Variants in CNTNAP2 observed in about 807,000 individuals in gnomAD.
The protein encoded by CNTNAP2 is contactin-associated protein-like 2.
A neutral mutation model predicts 155.2 loss-of-function variants in CNTNAP2; 98 were observed. The observed-to-expected ratio is 0.63, with a 90% confidence interval of 0.54 to 0.75. The LOEUF (loss-of-function observed/expected upper bound fraction) is 0.75, where lower values mean the gene tolerates loss of function less well. CNTNAP2 is among the 30% of genes least tolerant of loss of function. CNTNAP2 has a pLI of 0.00. For missense variants in CNTNAP2, 1,727 were observed against 1,688.1 expected, an observed-to-expected ratio of 1.02 and a Z score of -0.40; for synonymous variants, 651 against 631.2, an observed-to-expected ratio of 1.03 and a Z score of -0.47.
chr7:147,893,173 G>A (rs1005275301), intron 13 of CNTNAP2, among the ~76,000 whole-genome samples: 1 of 152,106 alleles, frequency 6.6e-6, no homozygotes, highest in African/African-American at 2.4e-5. Flanking sequence ...TGAAATCATA[G>A]GTAAGTTGAG....
intron 13 of CNTNAP2, among the ~76,000 whole-genome samples, chr7:147,710,182 ATTACAT>A (rs992613950): frequency 2.0e-5 from 3 of 152,176 alleles, no homozygotes; most frequent in Admixed American, 2.0e-4. Flanking sequence ...GTTCCTGTAA[ATTACAT>A]TTACAACTCT....
In CNTNAP2 at chr7:146,385,571, C is replaced by A. The variant is rs1236982830; in HGVS notation, c.97+268598C>A. Among the ~76,000 whole-genome samples, 17 of 152,228 alleles carry A rather than the reference C, an allele frequency of 1.1e-4. No homozygotes were observed. In the East Asian group the frequency reaches 2.7e-3, roughly 24 times the overall value. On this transcript the variant is annotated intron_variant, in intron 1 of 23. Transcript: ENST00000361727. ...ATAATTTAAAGTCCAGCCAAGTAAT[C>A]TCTCTTGTACTTGAATTTGGATGAG... is the stretch of plus-strand genomic sequence containing the variant.
chr7:147,349,286 A>T lies in CNTNAP2; in HGVS notation c.1499-46323A>T, dbSNP rs796523063. Among the ~76,000 whole-genome samples the T allele has an allele frequency of 2.8e-4, 42 of 152,042 alleles. 2 individuals are homozygous for T. Among genetic ancestry groups the T allele is most frequent in the African/African-American group, 9.9e-4 (41 of 41,556 alleles). ...ATTTGTCAATTAAAAGTAAAATTTT[A>T]AAAAAATCAGAAATATTAAAACAAA... is the stretch of plus-strand genomic sequence containing the variant. On this transcript the variant is annotated intron_variant, in intron 9 of 23. Transcript: ENST00000361727.
intron 13 of CNTNAP2, among the ~76,000 whole-genome samples, chr7:147,828,826 A>G (rs1169461801): frequency 6.6e-6 from 1 of 152,190 alleles, no homozygotes; most frequent in Non-Finnish European, 1.5e-5. Context: ...AAAAATAATA[A>G]TACCTTAAAA....
At chr7:147,152,985 T>G (rs1237614666) in intron 8 of CNTNAP2, among the ~76,000 whole-genome samples, 1 of 151,986 alleles carries the variant, frequency 6.6e-6, no homozygotes, top group Non-Finnish European at 1.5e-5. Flanking sequence ...AGGAGGTCAG[T>G]GTGGATCAGA....
intron 3 of CNTNAP2, among the ~76,000 whole-genome samples, chr7:146,971,807 C>T (rs551053391): frequency 6.6e-6 from 1 of 152,228 alleles, no homozygotes; most frequent in Non-Finnish European, 1.5e-5. Flanking sequence ...AATACCCCCA[C>T]CTGCTAATAC....
intron 1 of CNTNAP2, among the ~76,000 whole-genome samples, chr7:146,164,040 A>G (rs1798274065): frequency 6.6e-6 from 1 of 152,184 alleles, no homozygotes; most frequent in Non-Finnish European, 1.5e-5. Context: ...CTTCTTTGTC[A>G]TATGTTTAGG....
intron 4 of CNTNAP2, among the ~76,000 whole-genome samples, chr7:147,057,960 G>A (rs1030944485): frequency 1.3e-5 from 2 of 151,994 alleles, no homozygotes; most frequent in Non-Finnish European, 2.9e-5. Flanking sequence ...ATACTATTAT[G>A]TCACCTCATC....
chr7:147,709,962 G>T (rs967056768), intron 13 of CNTNAP2, among the ~76,000 whole-genome samples: 3 of 151,750 alleles, frequency 2.0e-5, no homozygotes, highest in Non-Finnish European at 1.5e-5. Context: ...TTTGCCTTTT[G>T]CTTGTCATAA....
intron 15 of CNTNAP2, among the ~76,000 whole-genome samples, chr7:148,085,694 C>CCCTTCCTT (rs370800555): frequency 0.013 from 1,961 of 150,984 alleles, 37 homozygotes; most frequent in African/African-American, 0.043. Flanking sequence ...TTTTCTCTTT[C>CCCTTCCTT]CCTTCCTTCC....
chr7:146,577,310 C>A (rs1488415980), intron 1 of CNTNAP2, among the ~76,000 whole-genome samples: 1 of 152,072 alleles, frequency 6.6e-6, no homozygotes, highest in Non-Finnish European at 1.5e-5. Flanking sequence ...AGATTTAGAG[C>A]TTCCTTCTAC....
chr7:146,240,610 C>T (rs1405488226), intron 1 of CNTNAP2, among the ~76,000 whole-genome samples: 1 of 151,702 alleles, frequency 6.6e-6, no homozygotes, highest in African/African-American at 2.4e-5. Context: ...TCTATATTAT[C>T]ACTTCTCACA....
At chr7:146,353,066 A>AAAC (rs1326378494) in intron 1 of CNTNAP2, among the ~76,000 whole-genome samples, 3 of 151,968 alleles carry the variant, frequency 2.0e-5, no homozygotes, top group Non-Finnish European at 2.9e-5. Context: ...GGGATGTCTT[A>AAAC]TTTCTCTGCA....
At chr7:147,028,411 G>T (rs1798962864) in intron 3 of CNTNAP2, among the ~76,000 whole-genome samples, 1 of 152,130 alleles carries the variant, frequency 6.6e-6, no homozygotes, top group Non-Finnish European at 1.5e-5. Flanking sequence ...GGTGGAGTTT[G>T]TTTTCTTTAT....
At chr7:148,160,031 G>A (rs1012675535) in intron 17 of CNTNAP2, among the ~76,000 whole-genome samples, 21 of 152,122 alleles carry the variant, frequency 1.4e-4, no homozygotes, top group Admixed American at 1.4e-3. Context: ...TTGTGCCCAG[G>A]AGTTCAGGAC....
chr7:146,992,512 A>C (rs1302045397), intron 3 of CNTNAP2, among the ~76,000 whole-genome samples: 1 of 151,140 alleles, frequency 6.6e-6, no homozygotes, highest in Non-Finnish European at 1.5e-5. Flanking sequence ...GAGTCCTGCT[A>C]CCAGGTTTCC....
At chr7:147,985,627 A>G (rs1455334328) in intron 15 of CNTNAP2, among the ~76,000 whole-genome samples, 1 of 152,096 alleles carries the variant, frequency 6.6e-6, no homozygotes, top group Admixed American at 6.5e-5. Flanking sequence ...ACAAGTCATC[A>G]AACAACTGAT....
chr7:148,202,283 A>G (rs911569058), intron 18 of CNTNAP2, among the ~76,000 whole-genome samples: 2 of 152,150 alleles, frequency 1.3e-5, no homozygotes, highest in African/African-American at 4.8e-5. Context: ...GCTTTCTGGA[A>G]AACCATTTGG....
chr7:146,193,368 C>G (rs1460632525), intron 1 of CNTNAP2, among the ~76,000 whole-genome samples: 1 of 152,228 alleles, frequency 6.6e-6, no homozygotes, highest in Non-Finnish European at 1.5e-5. Flanking sequence ...CAAACTTCCA[C>G]CTGGACATGC....
Sources: allele counts gnomAD v4.1 joint callset (sites outside exome capture counted in the v4.1 genomes callset), GRCh38; gene constraint gnomAD v4.1.1; transcripts MANE v1.5; gene names NCBI Gene and HGNC (gene_info 2026-07-23, HGNC 2026-07-21).